Variants in TTC7B observed in about 807,000 individuals in gnomAD.
The protein encoded by TTC7B is tetratricopeptide repeat protein 7B.
TTC7B carries 28 observed loss-of-function variants against 106.8 expected under a neutral mutation model. The ratio of observed to expected loss-of-function variants is 0.26; its 90% CI spans 0.19 to 0.36. TTC7B has a LOEUF of 0.36. TTC7B is among the 10% of genes least tolerant of loss of function. The probability of loss-of-function intolerance (pLI) is 1.00; values close to 1 mark genes in which losing one functional copy is unlikely to be tolerated. For missense variants in TTC7B, 862 were observed against 1,076.4 expected (o/e 0.80, Z 2.79); for synonymous variants, 405 against 430.6 (o/e 0.94, Z 0.74).
chr14:90,699,127 A>G (rs924948331), intron 5 of TTC7B: 2 of 455,054 alleles, frequency 4.4e-6, no homozygotes, highest in Admixed American at 4.7e-5. Flanking sequence ...AGGCTCTGAA[A>G]TGTACATTCT....
In TTC7B at chr14:90,816,172, T is replaced by C; in HGVS notation, c.121+3A>G. The C allele has an allele frequency of 2.4e-6, 3 of 1,242,402 alleles. No individual in the cohort carries two copies. The highest frequency in any genetic ancestry group is 2.1e-6 in the Non-Finnish European group (2 of 961,090). 77.0% of individuals were successfully genotyped at this position (1,242,402 alleles called of 1,614,324 possible). A position where few individuals can be genotyped will look rare whatever the true frequency, so the allele number is the denominator to read the frequency against. On this transcript the variant is annotated splice_donor_region_variant and intron_variant, in intron 1 of 19. Coordinates refer to ENST00000328459, the MANE Select transcript of TTC7B (RefSeq NM_001010854.2). ...AGCCCAGGCCGGCGCGCCCGGAGCGTACCGTTGGCGATGAGCTTGGCCGAC... is the reference window on the plus strand; with the variant it reads ...AGCCCAGGCCGGCGCGCCCGGAGCGCACCGTTGGCGATGAGCTTGGCCGAC...
chr14:90,641,430 T>C (rs1444648790), intron 15 of TTC7B, among the ~76,000 whole-genome samples: 1 of 152,172 alleles, frequency 6.6e-6, no homozygotes, highest in Non-Finnish European at 1.5e-5. Context: ...GACAAGCTTG[T>C]CACAAACAAA....
At chr14:90,667,031 A>G (rs1399489920) in intron 9 of TTC7B, among the ~76,000 whole-genome samples, 1 of 152,212 alleles carries the variant, frequency 6.6e-6, no homozygotes, top group African/African-American at 2.4e-5. Context: ...TGGGCATTCC[A>G]TTCCTCCTGT....
intron 3 of TTC7B, among the ~76,000 whole-genome samples, chr14:90,769,181 C>T (rs1356072703): frequency 6.6e-6 from 1 of 151,714 alleles, no homozygotes; most frequent in Non-Finnish European, 1.5e-5. Flanking sequence ...AGCAAATATA[C>T]ACAAAAGGAA....
In TTC7B at chr14:90,608,652, G is replaced by A. The variant is rs61312215; in HGVS notation, c.1966+2090C>T. On this transcript the variant is annotated intron_variant, in intron 17 of 19. Coordinates refer to ENST00000328459, the MANE Select transcript of TTC7B (RefSeq NM_001010854.2). This position sits in a 1 kb window ranked among gnomAD's most constrained non-coding sequence, Gnocchi z 5.1. ...AGGCCCAACCCAGGGCAGTGACACC[G>A]CAGACTGTGTCACACAGGCACATCT... 0.13 allele frequency among the ~76,000 whole-genome samples: 19,637 copies of A among 152,168 alleles called. 1,375 individuals are homozygous for A. The highest frequency in any genetic ancestry group is 0.2 in the Middle Eastern group (58 of 294).
chr14:90,613,279 C>A (rs1333941615), intron 16 of TTC7B, among the ~76,000 whole-genome samples: 1 of 151,816 alleles, frequency 6.6e-6, no homozygotes, highest in Non-Finnish European at 1.5e-5. Flanking sequence ...CCTGTGACCC[C>A]AGCTATCTGA....
At chr14:90,726,621 C>T (rs539161087) in intron 5 of TTC7B, among the ~76,000 whole-genome samples, 14 of 152,292 alleles carry the variant, frequency 9.2e-5, no homozygotes, top group African/African-American at 2.6e-4. Context: ...TACTGCTCTC[C>T]GAGGTGACTG....
At chr14:90,669,722 A>G (rs1434729396) in intron 9 of TTC7B, among the ~76,000 whole-genome samples, 1 of 152,218 alleles carries the variant, frequency 6.6e-6, no homozygotes, top group East Asian at 1.9e-4. Flanking sequence ...CAATCCCACA[A>G]TGAGATATCA....
In TTC7B at chr14:90,614,208, C is replaced by T. The variant is rs140692503; in HGVS notation, c.1869-3369G>A. Among the ~76,000 whole-genome samples, 11 of 152,306 alleles carry T rather than the reference C, an allele frequency of 7.2e-5. No individual in the cohort carries two copies. In the East Asian group the frequency reaches 2.1e-3, roughly 29 times the overall value. On this transcript the variant is annotated intron_variant, in intron 16 of 19. Coordinates refer to ENST00000328459, the MANE Select transcript of TTC7B (RefSeq NM_001010854.2). ...GAGTCAAGGTAAGCTCCCAATATCC[C>T]GGAGCCTCAGTTGTCTCATCAGTAA...
intron 5 of TTC7B, among the ~76,000 whole-genome samples, chr14:90,715,467 T>G (rs533128623): frequency 1.3e-5 from 2 of 152,308 alleles, no homozygotes; most frequent in African/African-American, 4.8e-5. Context: ...AGGGTTTGAT[T>G]TATTTATTTA....
intron 19 of TTC7B, among the ~76,000 whole-genome samples, chr14:90,560,380 G>A (rs1327078992): frequency 1.3e-5 from 2 of 152,246 alleles, no homozygotes; most frequent in Admixed American, 6.5e-5. Flanking sequence ...GGACCTGCAA[G>A]AGGCACTGGC....
At chr14:90,737,546 GTTTTTTTTT>G (rs71461922) in intron 4 of TTC7B, among the ~76,000 whole-genome samples, 2 of 91,750 alleles carry the variant, frequency 2.2e-5, no homozygotes, top group African/African-American at 7.3e-5. Flanking sequence ...GTATGATTCT[GTTTTTTTTT>G]TTTTTTTTTT....
chr14:90,766,507 C>A, intron 3 of TTC7B: 1 of 705,718 alleles, frequency 1.4e-6, no homozygotes, highest in South Asian at 1.5e-5. Flanking sequence ...AGGAGGCCTA[C>A]GTGCCACCTC....
At position 90,750,489 on chromosome 14, in the gene TTC7B, T is replaced by A. The variant is rs146011027; in HGVS notation, c.446-5567A>T. ...CCAGTTCAACATAATTTTACTATCA[T>A]CTATATTTTATCATGTTCTTAAAAT... On this transcript the variant is annotated intron_variant, in intron 3 of 19. Transcript: ENST00000328459. 4.7e-4 allele frequency among the ~76,000 whole-genome samples: 72 copies of A among 152,322 alleles called. 1 individual carries two copies. Among genetic ancestry groups the A allele is most frequent in the African/African-American group, 1.4e-3 (60 of 41,556 alleles).
intron 19 of TTC7B, among the ~76,000 whole-genome samples, chr14:90,560,600 T>C (rs189731793): frequency 1.3e-5 from 2 of 152,380 alleles, no homozygotes; most frequent in Admixed American, 6.5e-5. Flanking sequence ...CAAAGCATCA[T>C]TGAAACATCC....
At position 90,538,754 on chromosome 14, in the gene TTC7B, C is replaced by T. The variant is rs1889482230; in HGVS notation, c.*2614G>A. On this transcript the variant is annotated 3_prime_UTR_variant, in exon 20 of 20. Coordinates refer to ENST00000328459, the MANE Select transcript of TTC7B (RefSeq NM_001010854.2). ...AGGACTTTCCTGCATTTCTTAGGTA[C>T]CTTTTAGGTAGAAGTGATGGAAACC... 6.6e-6 allele frequency: 1 copy of T among 152,008 alleles called. No homozygotes were observed. The highest frequency in any genetic ancestry group is 2.4e-5 in the African/African-American group (1 of 41,344). 9.4% of individuals were successfully genotyped at this position (152,008 alleles called of 1,614,324 possible).
intron 5 of TTC7B, among the ~76,000 whole-genome samples, chr14:90,709,291 GTCCAACAATGA>G (rs1202982904): frequency 6.6e-5 from 10 of 151,062 alleles, no homozygotes; most frequent in Non-Finnish European, 1.5e-4. Flanking sequence ...CAACCCAAAT[GTCCAACAATGA>G]TAGACTGGAT....
Position 90,657,972 on chromosome 14 carries a change from G to T in TTC7B, c.1236+332C>A, listed in dbSNP as rs938370860. 3.1e-5 allele frequency: 10 copies of T among 326,294 alleles called. No individual in the cohort carries two copies. The highest frequency in any genetic ancestry group is 5.9e-5 in the Non-Finnish European group (10 of 170,210). The allele number at this position is 326,294 out of a possible 1,614,324, so 20.2% of individuals were successfully genotyped here. On this transcript the variant is annotated intron_variant, in intron 10 of 19. Coordinates refer to ENST00000328459, the MANE Select transcript of TTC7B (RefSeq NM_001010854.2). This position sits in a 1 kb window ranked among gnomAD's most constrained non-coding sequence, Gnocchi z 4.2. ...ACACATTGCTCAAGATAACCAACAG[G>T]TTTCCCCTCCAGGAATCAGCTTAAC...
rs1009857869 is a variant in TTC7B, at chr14:90,528,503, C to A, written c.*12865G>T. The A allele has an allele frequency of 6.5e-6, 1 of 152,882 alleles. No individual in the cohort carries two copies. The highest frequency in any genetic ancestry group is 2.4e-5 in the African/African-American group (1 of 41,442). 9.5% of individuals were successfully genotyped at this position (152,882 alleles called of 1,614,324 possible). On this transcript the variant is annotated 3_prime_UTR_variant, in exon 20 of 20. Coordinates refer to ENST00000328459, the MANE Select transcript of TTC7B (RefSeq NM_001010854.2). ...TGTTTCCGACGGTGTGACCCGAGTG[C>A]GCTTCGTTACCCGTTTCTGATGGCA...
Sources: gnomAD v4.1 joint callset for allele counts (sites outside exome capture counted in the v4.1 genomes callset) on GRCh38, gnomAD v4.1.1 for gene constraint, Gnocchi (gnomAD v3.1) non-coding constraint, MANE v1.5 for transcripts, NCBI Gene and HGNC (gene_info 2026-07-23, HGNC 2026-07-21) for gene names.